Variants in SLIRP observed in about 807,000 individuals in gnomAD.
SLIRP encodes the protein SRA stem-loop interacting RNA binding protein.
In SLIRP, 12 loss-of-function variants were observed where a neutral mutation model predicts 13.4. The ratio of observed to expected loss-of-function variants is 0.89; its 90% CI spans 0.57 to 1.45. The LOEUF (loss-of-function observed/expected upper bound fraction) is 1.45. SLIRP is among the 40% of genes most tolerant of loss of function. SLIRP has a pLI of 0.00. For synonymous variants in SLIRP, 55 were observed against 47.1 expected (o/e 1.17, Z -0.69); for missense variants, 154 against 132.2 (o/e 1.17, Z -0.81).
intron 2 of SLIRP, among the ~76,000 whole-genome samples, chr14:77,714,509 C>T (rs55922310): frequency 0.17 from 25,389 of 152,236 alleles, 2,440 homozygotes; most frequent in Non-Finnish European, 0.22. Context: ...CTATGTTGGC[C>T]AGGCTGGTCC....
rs548096159 is a variant in SLIRP at position 77,716,860 on chromosome 14, C to T, written c.265-636C>T. 5.3e-5 allele frequency among the ~76,000 whole-genome samples: 8 copies of T among 152,126 alleles called. No homozygotes were observed. In the East Asian group the frequency reaches 1.6e-3, roughly 30 times the overall value. On this transcript the variant is annotated intron_variant, in intron 3 of 3. Coordinates refer to ENST00000557342, the MANE Select transcript of SLIRP (RefSeq NM_031210.6). ...CACTGCAACCTCCGCCTCCTGGGTT[C>T]AAGCGATTCTCCTGCCTCAACCTCC...
chr14:77,711,475 C>T (rs572245855), intron 2 of SLIRP, among the ~76,000 whole-genome samples: 167 of 152,126 alleles, frequency 1.1e-3, no homozygotes, highest in Non-Finnish European at 1.7e-3. Flanking sequence ...TAGACATGTG[C>T]CACCATGCCC....
intron 1 of SLIRP, chr14:77,710,552 C>T (rs1406629130): frequency 3.5e-6 from 5 of 1,428,746 alleles, no homozygotes; most frequent in Non-Finnish European, 3.7e-6. Flanking sequence ...GATCTGCTCA[C>T]AGGGATCATA....
chr14:77,716,219 G>C (rs1008231600), intron 3 of SLIRP: 1 of 171,258 alleles, frequency 5.8e-6, no homozygotes, highest in African/African-American at 2.4e-5. Context: ...GGGAGGCTGA[G>C]GCAGGAGAAT....
chr14:77,715,283 C>G (rs1041417801), intron 2 of SLIRP, among the ~76,000 whole-genome samples: 1 of 152,098 alleles, frequency 6.6e-6, no homozygotes, highest in Non-Finnish European at 1.5e-5. Flanking sequence ...CTTAACAACA[C>G]AGGGATTTAG....
At chr14:77,716,623 C>T (rs1191689619) in intron 3 of SLIRP, among the ~76,000 whole-genome samples, 1 of 69,614 alleles carries the variant, frequency 1.4e-5, no homozygotes, top group South Asian at 5.7e-4. Context: ...GCCTGGGCAA[C>T]AAGAGCAAAA....
chr14:77,716,073 T>C lies in SLIRP; in HGVS notation c.264+194T>C, dbSNP rs374557721. On this transcript the variant is annotated intron_variant, in intron 3 of 3. Coordinates refer to ENST00000557342, the MANE Select transcript of SLIRP (RefSeq NM_031210.6). ...GGCTCACGCCTGTAATCCCAGCACT[T>C]TGGGAGGCCGAGGCGGGCGGATCAC... 8.5e-4 allele frequency: 387 copies of C among 455,476 alleles called. 6 individuals carry two copies. The South Asian group carries it at 0.011, about 13-fold the overall frequency. 28.2% of individuals were successfully genotyped at this position (455,476 alleles called of 1,614,324 possible).
intron 3 of SLIRP, 113 bp from the exon 4 acceptor site, chr14:77,717,383 A>G (rs1221491126): frequency 3.4e-6 from 3 of 889,540 alleles, no homozygotes; most frequent in Non-Finnish European, 5.4e-6. Context: ...AGGGACAAAT[A>G]AAAACTGCCT....
chr14:77,708,227 G>C lies in SLIRP; in HGVS notation c.97+19G>C. 1 of 1,612,500 alleles carries C rather than the reference G, an allele frequency of 6.2e-7. No homozygotes were observed. The highest frequency in any genetic ancestry group is 8.5e-7 in the Non-Finnish European group (1 of 1,178,600). ...GCGTCGAGTGAGTGATGGAGATGTG[G>C]GAGTAGTGGAATTTTTAGGTCCAAG... On this transcript the variant is annotated intron_variant, in intron 1 of 3. Coordinates refer to ENST00000557342, the MANE Select transcript of SLIRP (RefSeq NM_031210.6).
chr14:77,709,386 C>T lies in SLIRP; in HGVS notation c.97+1178C>T, dbSNP rs1471754151. 6.6e-5 allele frequency among the ~76,000 whole-genome samples: 10 copies of T among 152,260 alleles called. 1 individual carries two copies. Among genetic ancestry groups the T allele is most frequent in the South Asian group, 4.1e-4 (2 of 4,822 alleles). ...AGAATGGGAAATAGGTTGGTTTGTG[C>T]CCCGTGTTTTAAACATGTGGTTGGT... On this transcript the variant is annotated intron_variant, in intron 1 of 3. Transcript: ENST00000557342.
At position 77,708,204 on chromosome 14, in the gene SLIRP, G is replaced by A. The variant is rs775139684; in HGVS notation, c.93G>A (p.Ala31=). 3 of 1,614,154 alleles carry A rather than the reference G, an allele frequency of 1.9e-6. No homozygotes were observed. The highest frequency in any genetic ancestry group is 4.5e-5 in the East Asian group (2 of 44,884). ...TGAGAAGAATTCCTTGGACTGCGGCGTCGAGTGAGTGATGGAGATGTGGGA... is the reference window on the plus strand; with the variant it reads ...TGAGAAGAATTCCTTGGACTGCGGCATCGAGTGAGTGATGGAGATGTGGGA... ...AFVRRIPWTA[A]SSQLKEHFAQ... Residue 31 remains alanine (A), a synonymous_variant, in exon 1 of 4, where the codon GCG becomes GCA. Coordinates refer to ENST00000557342, the MANE Select transcript of SLIRP (RefSeq NM_031210.6).
At position 77,717,571 on chromosome 14, in the gene SLIRP, C is replaced by T. The variant is rs2080497912; in HGVS notation, c.*10C>T. ...AAAGAAAGATTTTTGAGACTGCAGC[C>T]TATTAATAAAGTTAACATAACTGAG... On this transcript the variant is annotated 3_prime_UTR_variant, in exon 4 of 4. Coordinates refer to ENST00000557342, the MANE Select transcript of SLIRP (RefSeq NM_031210.6). 1 of 1,608,468 alleles carries T rather than the reference C, an allele frequency of 6.2e-7. No individual in the cohort carries two copies. Among genetic ancestry groups the T allele is most frequent in the South Asian group, 1.1e-5 (1 of 90,288 alleles).
intron 1 of SLIRP, among the ~76,000 whole-genome samples, chr14:77,709,794 T>C (rs1595063770): frequency 6.6e-6 from 1 of 152,354 alleles, no homozygotes; most frequent in Non-Finnish European, 1.5e-5. Flanking sequence ...AGTATCATAT[T>C]CTGTGAGACC....
chr14:77,714,581 C>T (rs1435134829), intron 2 of SLIRP, among the ~76,000 whole-genome samples: 1 of 152,218 alleles, frequency 6.6e-6, no homozygotes, highest in Non-Finnish European at 1.5e-5. Flanking sequence ...GATTGAGCCA[C>T]TGCACCTGGC....
intron 1 of SLIRP, among the ~76,000 whole-genome samples, chr14:77,709,839 A>T (rs989551463): frequency 6.6e-6 from 1 of 152,152 alleles, no homozygotes; most frequent in Non-Finnish European, 1.5e-5. Flanking sequence ...TAACCATTAG[A>T]GCCCTTCAAA....
intron 3 of SLIRP, 73 bp downstream of exon 3, chr14:77,715,952 AG>A (rs1377898059): frequency 4.4e-6 from 5 of 1,144,866 alleles, no homozygotes; most frequent in Non-Finnish European, 6.5e-6. Flanking sequence ...TCAATTAAAT[AG>A]ATCATAAATG....
At chr14:77,712,567 C>A (rs560237120) in intron 2 of SLIRP, among the ~76,000 whole-genome samples, 184 of 151,938 alleles carry the variant, frequency 1.2e-3, no homozygotes, top group Non-Finnish European at 2.2e-3. Flanking sequence ...GCCTCAGCCT[C>A]CTGAGTAGCT....
intron 1 of SLIRP, 141 bp downstream of exon 1, chr14:77,708,349 T>A: frequency 1.2e-6 from 1 of 839,236 alleles, no homozygotes; most frequent in Non-Finnish European, 1.9e-6. Context: ...CAGAAAGAAA[T>A]TTTGTTTGCA....
intron 1 of SLIRP, among the ~76,000 whole-genome samples, chr14:77,710,278 G>A (rs2080429946): frequency 6.6e-6 from 1 of 152,148 alleles, no homozygotes; most frequent in Admixed American, 6.6e-5. Context: ...AAGTTAGCCA[G>A]GGGGAGATAG....
Sources: gnomAD v4.1 joint callset for allele counts (sites outside exome capture counted in the v4.1 genomes callset) on GRCh38, gnomAD v4.1.1 for gene constraint, MANE v1.5 for transcripts, NCBI Gene and HGNC (gene_info 2026-07-23, HGNC 2026-07-21) for gene names.